ADAMTSL1: variants seen among roughly 807,000 people sequenced by gnomAD.
The protein encoded by ADAMTSL1 is ADAMTS-like protein 1.
A neutral mutation model predicts 201.8 loss-of-function variants in ADAMTSL1; 126 were observed. The observed-to-expected ratio is 0.62, with a 90% confidence interval of 0.54 to 0.72. The LOEUF is 0.72. ADAMTSL1 is among the 30% of genes least tolerant of loss of function. The pLI, the probability that ADAMTSL1 is intolerant of heterozygous loss-of-function variation, is 0.00. For missense variants in ADAMTSL1, 2,679 were observed against 2,277.8 expected, an observed-to-expected ratio of 1.18 and a Z score of -3.59; for synonymous variants, 1,121 against 903.4, an observed-to-expected ratio of 1.24 and a Z score of -4.32.
chr9:18,091,607 T>A (rs1698955441), intron 1 of ADAMTSL1, among the ~76,000 whole-genome samples: 1 of 152,158 alleles, frequency 6.6e-6, no homozygotes, highest in African/African-American at 2.4e-5. Context: ...CTGATGCCAG[T>A]TTTAACATTT....
intron 2 of ADAMTSL1, among the ~76,000 whole-genome samples, chr9:18,283,473 G>A (rs981065067): frequency 6.6e-6 from 1 of 151,736 alleles, no homozygotes; most frequent in South Asian, 2.1e-4. Context: ...GAGTATGATG[G>A]TACACACCTG....
chr9:18,204,759 T>G (rs1829584410), intron 2 of ADAMTSL1, among the ~76,000 whole-genome samples: 1 of 152,116 alleles, frequency 6.6e-6, no homozygotes, highest in South Asian at 2.1e-4. Flanking sequence ...TTGGCTATAG[T>G]CAATTAGAGG....
chr9:18,896,220 A>C (rs1563899285), intron 26 of ADAMTSL1, among the ~76,000 whole-genome samples: 1 of 152,246 alleles, frequency 6.6e-6, no homozygotes, highest in East Asian at 1.9e-4. Context: ...TACAAATCCA[A>C]GAAGCTAAAC....
chr9:18,709,252 A>T (rs1302211551), intron 14 of ADAMTSL1, among the ~76,000 whole-genome samples: 2 of 152,210 alleles, frequency 1.3e-5, no homozygotes, highest in Non-Finnish European at 2.9e-5. Context: ...ATTTTGGTAT[A>T]TAGGACGTGT....
intron 9 of ADAMTSL1, among the ~76,000 whole-genome samples, chr9:18,665,593 G>T (rs914505525): frequency 6.6e-6 from 1 of 152,048 alleles, no homozygotes; most frequent in Non-Finnish European, 1.5e-5. Context: ...GCATGGAGGG[G>T]TCTCAGGAAT....
intron 23 of ADAMTSL1, among the ~76,000 whole-genome samples, chr9:18,881,316 T>C (rs1322389383): frequency 6.6e-6 from 1 of 152,228 alleles, no homozygotes; most frequent in African/African-American, 2.4e-5. Flanking sequence ...TAATCATTTC[T>C]AGCTTCTGAT....
At chr9:18,047,937 A>G (rs937885802) in intron 1 of ADAMTSL1, among the ~76,000 whole-genome samples, 1 of 152,174 alleles carries the variant, frequency 6.6e-6, no homozygotes, top group Non-Finnish European at 1.5e-5. Flanking sequence ...TCCTCCACCC[A>G]GAGGTCAAAC....
At chr9:18,072,369 C>T (rs1200324961) in intron 1 of ADAMTSL1, among the ~76,000 whole-genome samples, 1 of 152,134 alleles carries the variant, frequency 6.6e-6, no homozygotes. Context: ...CTATCCATGC[C>T]TGGAGAGTGC....
upstream of ADAMTSL1, among the ~76,000 whole-genome samples, chr9:18,470,206 G>A (rs923408563): frequency 1.2e-4 from 19 of 152,160 alleles, no homozygotes; most frequent in Admixed American, 5.9e-4. Flanking sequence ...CTGCAAATTG[G>A]GGATAATAAT....
chr9:18,036,116 T>C (rs903605858), intron 1 of ADAMTSL1, among the ~76,000 whole-genome samples: 1 of 152,046 alleles, frequency 6.6e-6, no homozygotes, highest in Non-Finnish European at 1.5e-5. Context: ...GACTTGAGGA[T>C]GGTTAGGAGT....
chr9:18,844,516 C>G (rs1825958272), intron 23 of ADAMTSL1, among the ~76,000 whole-genome samples: 2 of 152,202 alleles, frequency 1.3e-5, no homozygotes, highest in Non-Finnish European at 2.9e-5. Context: ...GGCAGTCTGC[C>G]CATTCTCAGA....
chr9:17,964,192 G>A (rs375659833), intron 1 of ADAMTSL1, among the ~76,000 whole-genome samples: 1 of 152,030 alleles, frequency 6.6e-6, no homozygotes, highest in South Asian at 2.1e-4. Context: ...TATTTCCTTG[G>A]TCACTTGATG....
chr9:18,069,972 T>G (rs1477612107), intron 1 of ADAMTSL1, among the ~76,000 whole-genome samples: 2 of 152,196 alleles, frequency 1.3e-5, no homozygotes, highest in Non-Finnish European at 2.9e-5. Flanking sequence ...GTTTCAGAAC[T>G]TGTCATGGGG....
intron 1 of ADAMTSL1, among the ~76,000 whole-genome samples, chr9:17,969,407 A>G (rs978745519): frequency 2.6e-5 from 4 of 152,092 alleles, no homozygotes; most frequent in African/African-American, 9.6e-5. Flanking sequence ...CAGGAGGTAG[A>G]CTTTGCCTTC....
chr9:18,676,020 T>C (rs1397494045), intron 10 of ADAMTSL1, 113 bp downstream of exon 10: 3 of 1,034,566 alleles, frequency 2.9e-6, no homozygotes, highest in South Asian at 2.8e-5. Flanking sequence ...GTTTTTAAGA[T>C]GGTAGATGGT....
At chr9:18,763,834 A>C (rs1820210630) in intron 16 of ADAMTSL1, among the ~76,000 whole-genome samples, 1 of 151,938 alleles carries the variant, frequency 6.6e-6, no homozygotes, top group African/African-American at 2.4e-5. Flanking sequence ...ATTCTATTCC[A>C]TTGGTCTATA....
intron 1 of ADAMTSL1, among the ~76,000 whole-genome samples, chr9:17,917,223 G>C (rs1826128586): frequency 6.6e-6 from 1 of 152,020 alleles, no homozygotes; most frequent in South Asian, 2.1e-4. Flanking sequence ...GTTCTTTAAA[G>C]TCTTTATGTC....
chr9:18,365,751 C>G (rs1380999502), intron 2 of ADAMTSL1, among the ~76,000 whole-genome samples: 1 of 152,074 alleles, frequency 6.6e-6, no homozygotes, highest in African/African-American at 2.4e-5. Flanking sequence ...GGGCTGTGGA[C>G]TGGTACCTAT....
intron 7 of ADAMTSL1, among the ~76,000 whole-genome samples, chr9:18,640,692 C>T (rs1827383747): frequency 1.3e-5 from 2 of 151,950 alleles, no homozygotes; most frequent in African/African-American, 4.8e-5. Flanking sequence ...CACTGTCTGC[C>T]CAGGCAAATC....
Sources: gnomAD v4.1 joint callset for allele counts (sites outside exome capture counted in the v4.1 genomes callset) on GRCh38, gnomAD v4.1.1 for gene constraint, MANE v1.5 for transcripts, NCBI Gene and HGNC (gene_info 2026-07-23, HGNC 2026-07-21) for gene names.